Variants in FRA10AC1 observed in about 807,000 individuals in gnomAD.
The protein encoded by FRA10AC1 is FRA10A associated CGG repeat 1, also known as protein FRA10AC1.
Under a neutral mutation model 56.5 loss-of-function variants are expected in FRA10AC1, and 43 were observed. That is an observed-to-expected ratio of 0.76 (90% CI 0.60 to 0.98). The LOEUF (loss-of-function observed/expected upper bound fraction) is 0.98, where lower values mean the gene tolerates loss of function less well. Ranked by LOEUF, FRA10AC1 falls within the 50% of genes least tolerant of loss-of-function variation. FRA10AC1 has a pLI of 0.00. For synonymous variants in FRA10AC1, 112 were observed against 110.5 expected (o/e 1.01, Z -0.09); for missense variants, 346 against 351.8 (o/e 0.98, Z 0.13).
At chr10:93,677,962 C>T (rs12263965) in intron 11 of FRA10AC1, among the ~76,000 whole-genome samples, 2,081 of 152,278 alleles carry the variant, frequency 0.014, 43 homozygotes, top group African/African-American at 0.048. Context: ...TATTGAATGC[C>T]TCCTATGGGA....
Position 93,697,422 on chromosome 10 carries a change from A to T in FRA10AC1, c.219+714T>A, listed in dbSNP as rs74748893. On this transcript the variant is annotated intron_variant, in intron 4 of 13. Transcript: ENST00000359204. ...GATGATTACAGGTAGGGGGCGTATCAAATTGACACTGTCTCCTTCTCCCAA... is the reference window on the plus strand; with the variant it reads ...GATGATTACAGGTAGGGGGCGTATCTAATTGACACTGTCTCCTTCTCCCAA... Among the ~76,000 whole-genome samples the T allele has an allele frequency of 7.3e-3, 1,108 of 152,356 alleles. 8 individuals carry two copies. Among genetic ancestry groups the T allele is most frequent in the African/African-American group, 0.021 (890 of 41,588 alleles).
chr10:93,689,967 G>T (rs1264583235), intron 7 of FRA10AC1, among the ~76,000 whole-genome samples: 2 of 152,074 alleles, frequency 1.3e-5, no homozygotes, highest in Non-Finnish European at 2.9e-5. Context: ...CTTGCAGCTG[G>T]ACCTAATCCT....
rs567324774 is a variant in FRA10AC1, at chr10:93,698,395, T to C, written c.79A>G (p.Thr27Ala). Residue 27 changes from threonine (T) to alanine (A), a missense_variant and splice_region_variant, in exon 3 of 14, where the codon ACA becomes GCA. By Grantham distance (58) the Thr-to-Ala change is moderately conservative. Transcript: ENST00000359204. ...CGESSKRKKR[T>A]VEDDLLLQKP... Reference sequence around the variant, plus strand: ...TGGAGCAGTAAGTCATCTTCAACTGTCCTGATATATTAAGAAGAAAATAAG... The same window carrying C: ...TGGAGCAGTAAGTCATCTTCAACTGCCCTGATATATTAAGAAGAAAATAAG... 1.9e-6 allele frequency: 3 copies of C among 1,546,896 alleles called. No individual in the cohort carries two copies. Among genetic ancestry groups the C allele is most frequent in the Admixed American group, 3.4e-5 (2 of 58,712 alleles).
In FRA10AC1 at chr10:93,681,467, A is replaced by G. The variant is rs900771638; in HGVS notation, c.787+13T>C. 8 of 1,503,578 alleles carry G rather than the reference A, an allele frequency of 5.3e-6. No individual in the cohort carries two copies. The African/African-American group carries it at 7.1e-5, about 13-fold the overall frequency. 93.1% of individuals were successfully genotyped at this position (1,503,578 alleles called of 1,614,324 possible). A position where few individuals can be genotyped will look rare whatever the true frequency, so the allele number is the denominator to read the frequency against. ...CAAATGTGAGTAGATGCCTTATCTT[A>G]ATTTCCTTTTACCTTTATCTTTTTT... On this transcript the variant is annotated intron_variant, in intron 11 of 13. Transcript: ENST00000359204.
At position 93,669,690 on chromosome 10, in the gene FRA10AC1, C is replaced by A. The variant is rs1477720680; in HGVS notation, c.*136G>T. 1.6e-6 allele frequency: 1 copy of A among 642,492 alleles called. No homozygotes were observed. Among genetic ancestry groups the A allele is most frequent in the Non-Finnish European group, 2.7e-6 (1 of 363,940 alleles). The allele number at this position is 642,492 out of a possible 1,614,324, so 39.8% of individuals were successfully genotyped here. A position where few individuals can be genotyped will look rare whatever the true frequency, so the allele number is the denominator to read the frequency against. ...CAAAGCCTCTGACATTCTGAGAGAA[C>A]CTGGATTTTTATTTCCAAAGACAAA... On this transcript the variant is annotated 3_prime_UTR_variant, in exon 14 of 14. Coordinates refer to ENST00000359204, the MANE Select transcript of FRA10AC1 (RefSeq NM_145246.5).
chr10:93,702,947 C>A, upstream of FRA10AC1: 1 of 455,662 alleles, frequency 2.2e-6, no homozygotes, highest in South Asian at 1.6e-5. Flanking sequence ...ATCAGCGCTT[C>A]AGATCAGCCT....
chr10:93,693,568 T>C (rs1417450284), intron 5 of FRA10AC1, among the ~76,000 whole-genome samples: 9 of 143,522 alleles, frequency 6.3e-5, no homozygotes, highest in Non-Finnish European at 1.4e-4. Context: ...ATACACCATA[T>C]ATATATACAC....
Position 93,670,771 on chromosome 10 carries a change from G to T in FRA10AC1, c.904C>A (p.Gln302Lys). The T allele has an allele frequency of 6.3e-7, 1 of 1,595,814 alleles. No individual in the cohort carries two copies. The highest frequency in any genetic ancestry group is 8.6e-7 in the Non-Finnish European group (1 of 1,163,916). ...GPLPETDEKS[Q>K]EEEFDEYFQD... ...TTCTCTATTAATATCAGCACTTACT[G>T]TGATTTTTCATCTGTCTCTGGTAGT... Residue 302 changes from glutamine (Q) to lysine (K), a missense_variant and splice_region_variant, in exon 13 of 14, where the codon CAG becomes AAG. Coordinates refer to ENST00000359204, the MANE Select transcript of FRA10AC1 (RefSeq NM_145246.5).
intron 4 of FRA10AC1, among the ~76,000 whole-genome samples, chr10:93,697,787 C>A (rs1296748985): frequency 6.6e-6 from 1 of 151,480 alleles, no homozygotes; most frequent in African/African-American, 2.4e-5. Context: ...TAGCAAAGAA[C>A]CAGGTAGGAA....
intron 11 of FRA10AC1, among the ~76,000 whole-genome samples, chr10:93,677,387 T>G (rs1436944793): frequency 2.6e-5 from 4 of 152,118 alleles, no homozygotes; most frequent in Admixed American, 6.6e-5. Context: ...TAACCCAAAG[T>G]TTTTGGCCCC....
chr10:93,673,865 A>T (rs2058803877), intron 12 of FRA10AC1: 1 of 402,986 alleles, frequency 2.5e-6, no homozygotes, highest in Non-Finnish European at 4.9e-6. Flanking sequence ...TTTAATGTGG[A>T]TCTGTACAAT....
intron 11 of FRA10AC1, among the ~76,000 whole-genome samples, chr10:93,677,562 A>G (rs2058863973): frequency 6.6e-6 from 1 of 152,232 alleles, no homozygotes; most frequent in Non-Finnish European, 1.5e-5. Context: ...ACATAATTAG[A>G]ACCAAAGGGA....
chr10:93,698,790 GATT>G (rs1220811069), intron 2 of FRA10AC1, among the ~76,000 whole-genome samples: 10 of 149,180 alleles, frequency 6.7e-5, no homozygotes, highest in Admixed American at 1.3e-4. Flanking sequence ...AAGCAAGGCT[GATT>G]ATAGAGAACA....
chr10:93,669,801 G>A lies in FRA10AC1; in HGVS notation c.*25C>T. 1 of 1,494,246 alleles carries A rather than the reference G, an allele frequency of 6.7e-7. No individual in the cohort carries two copies. 92.6% of individuals were successfully genotyped at this position (1,494,246 alleles called of 1,614,324 possible). On this transcript the variant is annotated 3_prime_UTR_variant, in exon 14 of 14. Coordinates refer to ENST00000359204, the MANE Select transcript of FRA10AC1 (RefSeq NM_145246.5). ...AAAACTTCATGAAGTTTCACATTAA[G>A]GAGCGGAGGCTTCTCTCTCTCGTCT...
intron 7 of FRA10AC1, chr10:93,688,030 G>A (rs1274528690): frequency 1.3e-5 from 2 of 152,086 alleles, no homozygotes; most frequent in African/African-American, 4.8e-5. Flanking sequence ...ACTCAAATGA[G>A]CTGAAAACTA....
intron 2 of FRA10AC1, among the ~76,000 whole-genome samples, chr10:93,699,646 T>C (rs1326223): frequency 0.41 from 61,811 of 152,164 alleles, 14,694 homozygotes; most frequent in Non-Finnish European, 0.52. Flanking sequence ...ATCCTCCATA[T>C]TAACTTCACT....
intron 12 of FRA10AC1, chr10:93,672,053 ATTAGCAGACAACTCC>A (rs2058771734): frequency 2.2e-6 from 1 of 451,256 alleles, no homozygotes. Flanking sequence ...AAGTAGTTAC[ATTAGCAGACAACTCC>A]TCTCCAATAA....
chr10:93,690,353 T>C (rs928968492), intron 7 of FRA10AC1, among the ~76,000 whole-genome samples: 18 of 152,232 alleles, frequency 1.2e-4, no homozygotes, highest in African/African-American at 4.1e-4. Flanking sequence ...TCACTCATCA[T>C]GTTCTAGCAG....
intron 4 of FRA10AC1, among the ~76,000 whole-genome samples, chr10:93,696,324 T>G (rs2133940418): frequency 6.6e-6 from 1 of 152,286 alleles, no homozygotes; most frequent in South Asian, 2.1e-4. Context: ...AGCTGTTCTC[T>G]CTAACCAAAT....
Sources: allele counts gnomAD v4.1 joint callset (sites outside exome capture counted in the v4.1 genomes callset), GRCh38; gene constraint gnomAD v4.1.1; transcripts MANE v1.5; gene names NCBI Gene and HGNC (gene_info 2026-07-23, HGNC 2026-07-21).